The following KLHDC4 variants were observed in gnomAD, a reference collection of about 807,000 sequenced individuals.
KLHDC4 encodes the protein kelch domain-containing protein 4.
A neutral mutation model predicts 62.4 loss-of-function variants in KLHDC4; 90 were observed. The observed-to-expected ratio is 1.44, with a 90% CI of 1.22 to 1.72. The LOEUF (loss-of-function observed/expected upper bound fraction) is 1.72, where lower values mean the gene tolerates loss of function less well. Among genes scored for constraint, KLHDC4 ranks in the 40% most tolerant of loss-of-function variants. The pLI, the probability that KLHDC4 is intolerant of heterozygous loss-of-function variation, is 0.00. For synonymous variants in KLHDC4, 386 were observed against 284.4 expected, an observed-to-expected ratio of 1.36 and a Z score of -3.59; for missense variants, 1,025 against 699.7, an observed-to-expected ratio of 1.47 and a Z score of -5.25.
chr16:87,709,887 G>A (rs1200160764), intron 9 of KLHDC4: 2 of 590,266 alleles, frequency 3.4e-6, no homozygotes, highest in Non-Finnish European at 5.9e-6. Context: ...TCCTGGGCTG[G>A]GGCAGAAAAC....
downstream of KLHDC4, among the ~76,000 whole-genome samples, chr16:87,706,643 C>T (rs182337160): frequency 6.6e-6 from 1 of 152,340 alleles, no homozygotes; most frequent in East Asian, 1.9e-4. Flanking sequence ...GAAGTGAGGT[C>T]ACACCGATGG....
chr16:87,724,674 G>A (rs900042056), intron 7 of KLHDC4, among the ~76,000 whole-genome samples: 1 of 152,160 alleles, frequency 6.6e-6, no homozygotes, highest in African/African-American at 2.4e-5. Context: ...AAAGACTGAC[G>A]CCATTGGGGC....
chr16:87,720,580 CA>C (rs1292834789), intron 7 of KLHDC4, among the ~76,000 whole-genome samples: 1 of 152,242 alleles, frequency 6.6e-6, no homozygotes, highest in African/African-American at 2.4e-5. Context: ...CATCAGTGCA[CA>C]GGAGGCATCT....
intron 6 of KLHDC4, among the ~76,000 whole-genome samples, chr16:87,727,422 C>T (rs935819469): frequency 6.6e-6 from 1 of 152,208 alleles, no homozygotes; most frequent in Non-Finnish European, 1.5e-5. Flanking sequence ...GAGGTGTGAG[C>T]AGCCTGGCAG....
chr16:87,745,947 T>C (rs1189044694), intron 5 of KLHDC4, among the ~76,000 whole-genome samples: 1 of 152,154 alleles, frequency 6.6e-6, no homozygotes, highest in Non-Finnish European at 1.5e-5. Flanking sequence ...AACCGAATCC[T>C]GCTGAGCAGT....
chr16:87,747,145 A>G (rs1314256877), intron 5 of KLHDC4, among the ~76,000 whole-genome samples: 2 of 152,230 alleles, frequency 1.3e-5, no homozygotes, highest in African/African-American at 2.4e-5. Flanking sequence ...GAGAGCCCTC[A>G]TGTCACAGAC....
Position 87,709,338 on chromosome 16 carries a change from G to T in KLHDC4, c.1374C>A (p.Val458=). ...CCAGGCAGTGCAGGTCGCTGAGGGT[G>T]ACCTGGCGGTCGCCGGCCTCAAACA... ...GGMFEAGDRQ[V]TLSDLHCLDL... is the part of the protein sequence containing the mutation. Residue 458 remains valine (V), a synonymous_variant, in exon 10 of 12, where the codon GTC becomes GTA. Transcript: ENST00000270583. The T allele has an allele frequency of 6.2e-7, 1 of 1,613,398 alleles. No individual in the cohort carries two copies. Among genetic ancestry groups the T allele is most frequent in the South Asian group, 1.1e-5 (1 of 91,078 alleles).
At chr16:87,755,100 G>C in intron 4 of KLHDC4, 94 bp downstream of exon 4, 4 of 817,454 alleles carry the variant, frequency 4.9e-6, no homozygotes, top group Non-Finnish European at 8.2e-6. Context: ...CAGCCCCTCC[G>C]CACCAGCTGC....
chr16:87,728,084 G>A (rs554013625), intron 6 of KLHDC4, among the ~76,000 whole-genome samples: 2 of 152,278 alleles, frequency 1.3e-5, no homozygotes, highest in African/African-American at 4.8e-5. Flanking sequence ...CTACTCAGGA[G>A]GCTGAGGCAC....
rs554571213 is a variant in KLHDC4 at position 87,749,281 on chromosome 16, C to T, written c.370-472G>A. 9.9e-5 allele frequency among the ~76,000 whole-genome samples: 15 copies of T among 152,160 alleles called. No homozygotes were observed. The East Asian group carries it at 2.5e-3, about 26-fold the overall frequency. ...TAAAAGAAAGTGTTTATGTGCCAGG[C>T]GCGGTGGCTCACACCTGTAATCCCA... On this transcript the variant is annotated intron_variant, in intron 4 of 11. Transcript: ENST00000270583.
At chr16:87,704,324 G>C (rs1321265158), downstream of KLHDC4, among the ~76,000 whole-genome samples, 11 of 149,120 alleles carry the variant, frequency 7.4e-5, no homozygotes, top group Non-Finnish European at 1.3e-4. Context: ...GAGGCGCCTG[G>C]GGAGGGCCCT....
intron 4 of KLHDC4, among the ~76,000 whole-genome samples, chr16:87,751,741 G>C (rs1320943307): frequency 2.0e-5 from 3 of 151,904 alleles, no homozygotes; most frequent in African/African-American, 7.3e-5. Context: ...CAACAAGCAA[G>C]ACCCTATTTC....
chr16:87,761,494 A>G (rs1459733621), intron 2 of KLHDC4, among the ~76,000 whole-genome samples: 1 of 152,222 alleles, frequency 6.6e-6, no homozygotes, highest in African/African-American at 2.4e-5. Flanking sequence ...GAACGTTTTT[A>G]CGTAATTTTC....
chr16:87,730,690 T>C, intron 5 of KLHDC4, 46 bp from the exon 6 acceptor site: 1 of 1,531,994 alleles, frequency 6.5e-7, no homozygotes, highest in Non-Finnish European at 9.0e-7. Context: ...GCTTAATTTC[T>C]GGTTGTTCTA....
chr16:87,755,285 A>AGG lies in KLHDC4; in HGVS notation c.277_278insCC (p.Leu93SerfsTer35), dbSNP rs1491027374. On this transcript the variant is annotated frameshift_variant, in exon 4 of 12. Transcript: ENST00000270583. LOFTEE classifies it high-confidence loss of function. ...ATTGTAGACATAGAGCTCGTTATAC[A>AGG]AAAAAGTCTACAGGAAGGAAGAAGA... is the stretch of plus-strand genomic sequence containing the variant. 2 of 1,581,662 alleles carry AGG rather than the reference A, an allele frequency of 1.3e-6. No individual in the cohort carries two copies. Among genetic ancestry groups the AGG allele is most frequent in the Non-Finnish European group, 1.7e-6 (2 of 1,151,418 alleles).
At chr16:87,715,306 T>C (rs1288325485) in intron 7 of KLHDC4, among the ~76,000 whole-genome samples, 2 of 152,180 alleles carry the variant, frequency 1.3e-5, no homozygotes, top group Admixed American at 6.5e-5. Context: ...TTGCAGAAAA[T>C]TGAGACGATA....
intron 8 of KLHDC4, among the ~76,000 whole-genome samples, chr16:87,712,255 AT>A (rs1016567237): frequency 6.6e-6 from 1 of 151,754 alleles, no homozygotes; most frequent in Admixed American, 6.6e-5. Flanking sequence ...CAGAATGGAG[AT>A]TTTTTTCCTC....
intron 4 of KLHDC4, among the ~76,000 whole-genome samples, chr16:87,752,190 T>C (rs1173156384): frequency 6.7e-6 from 1 of 149,794 alleles, no homozygotes; most frequent in Non-Finnish European, 1.5e-5. Flanking sequence ...GAGGATCGTT[T>C]GAGCCCAGGA....
chr16:87,719,033 C>T (rs2037693606), intron 7 of KLHDC4, among the ~76,000 whole-genome samples: 1 of 151,670 alleles, frequency 6.6e-6, no homozygotes, highest in Admixed American at 6.6e-5. Context: ...GCCCAGCAGC[C>T]ACCCCATCCG....
Sources: allele counts gnomAD v4.1 joint callset (sites outside exome capture counted in the v4.1 genomes callset), GRCh38; gene constraint gnomAD v4.1.1; transcripts MANE v1.5; gene names NCBI Gene and HGNC (gene_info 2026-07-23, HGNC 2026-07-21).